MRTFB: variants seen among roughly 807,000 people sequenced by gnomAD.
MRTFB encodes the protein myocardin related transcription factor B, also known as myocardin-related transcription factor B.
A neutral mutation model predicts 104.2 loss-of-function variants in MRTFB; 29 were observed. The observed-to-expected ratio is 0.28, with a 90% CI of 0.21 to 0.38. The LOEUF is 0.38. MRTFB is among the 10% of genes least tolerant of loss of function. The pLI, the probability that MRTFB is intolerant of heterozygous loss-of-function variation, is 1.00. For synonymous variants in MRTFB, 535 were observed against 519.5 expected (o/e 1.03, Z -0.41); for missense variants, 1,270 against 1,341.6 (o/e 0.95, Z 0.83).
intron 3 of MRTFB, chr16:14,149,608 A>G (rs1398768787): frequency 3.3e-5 from 5 of 152,234 alleles, no homozygotes; most frequent in African/African-American, 7.2e-5. Context: ...TGATATTTCA[A>G]GAATGGAAAT....
At chr16:14,234,052 G>A in intron 8 of MRTFB, 94 bp from the exon 9 acceptor site, 10 of 1,474,268 alleles carry the variant, frequency 6.8e-6, no homozygotes, top group Non-Finnish European at 9.2e-6. Flanking sequence ...TTTCTAGTGG[G>A]CTTAAAAACC....
At chr16:14,052,318 G>T in the MRTFB span, among the ~76,000 whole-genome samples, 1 of 152,092 alleles carries the variant, frequency 6.6e-6, no homozygotes, top group African/African-American at 2.4e-5. Context: ...TATTTATGGG[G>T]TACATGTGGC....
chr16:14,003,241 T>C, the MRTFB span, among the ~76,000 whole-genome samples: 245 of 152,164 alleles, frequency 1.6e-3, 1 homozygote, highest in Non-Finnish European at 1.8e-3. Flanking sequence ...GATGAGCAAG[T>C]GTAGGCGTGT....
At chr16:14,028,682 A>G in the MRTFB span, among the ~76,000 whole-genome samples, 2 of 152,142 alleles carry the variant, frequency 1.3e-5, no homozygotes, top group East Asian at 1.9e-4. Context: ...TGGAGTCCCA[A>G]CCGCAACTTC....
At chr16:14,206,627 G>A (rs995620233) in intron 3 of MRTFB, among the ~76,000 whole-genome samples, 22 of 152,080 alleles carry the variant, frequency 1.4e-4, no homozygotes, top group African/African-American at 4.8e-4. Flanking sequence ...GCACGATCTC[G>A]GCTCACTGGG....
chr16:14,027,241 C>T, the MRTFB span, among the ~76,000 whole-genome samples: 1 of 151,994 alleles, frequency 6.6e-6, no homozygotes, highest in South Asian at 2.1e-4. Flanking sequence ...TTGAGTGAAC[C>T]TCAAGGATAC....
rs946711431 is a variant in MRTFB at position 14,247,392 on chromosome 16, T to C, written c.2132T>C (p.Val711Ala). 3.1e-6 allele frequency: 5 copies of C among 1,613,618 alleles called. No individual in the cohort carries two copies. The African/African-American group carries it at 6.7e-5, about 22-fold the overall frequency. Residue 711 changes from valine (V) to alanine (A), a missense_variant, in exon 12 of 17, where the codon GTT (valine) becomes GCT (alanine). Physicochemically the swap from Val to Ala is moderately conservative, Grantham distance 64. Around this residue, in one of 3 missense-constraint regions of MRTFB, gnomAD observed 1,144 missense variants for 1,131.5 expected, o/e 1.01. Coordinates refer to ENST00000571589, the MANE Select transcript of MRTFB (RefSeq NM_001308142.2). ...CAGGGACAGCCACCGCCTGCTGTTG[T>C]TGCTCAGCCCCAGGCTTTACTGACC... ...SSQGQPPPAV[V>A]AQPQALLTTQ...
At chr16:14,035,293 G>A in the MRTFB span, among the ~76,000 whole-genome samples, 2 of 152,206 alleles carry the variant, frequency 1.3e-5, no homozygotes, top group East Asian at 1.9e-4. Flanking sequence ...GGCACAGCCA[G>A]GAGGTGGCAG....
At chr16:14,221,026 G>T (rs2041675378) in intron 8 of MRTFB, among the ~76,000 whole-genome samples, 1 of 152,182 alleles carries the variant, frequency 6.6e-6, no homozygotes, top group Admixed American at 6.5e-5. Flanking sequence ...TTTTATTCAT[G>T]TAATTAAAGA....
intron 2 of MRTFB, among the ~76,000 whole-genome samples, chr16:14,117,164 G>C (rs2036583149): frequency 6.6e-6 from 1 of 152,210 alleles, no homozygotes; most frequent in Admixed American, 6.5e-5. Flanking sequence ...TCCTGCCTTA[G>C]AGTTACAGGC....
intron 3 of MRTFB, among the ~76,000 whole-genome samples, chr16:14,197,718 G>C (rs954201638): frequency 6.6e-6 from 1 of 152,132 alleles, no homozygotes; most frequent in Admixed American, 6.5e-5. Flanking sequence ...AGGGCAAATA[G>C]AGGCAAAATA....
chr16:14,212,218 C>T, intron 4 of MRTFB, 136 bp from the exon 5 acceptor site: 2 of 760,440 alleles, frequency 2.6e-6, no homozygotes, highest in Non-Finnish European at 4.2e-6. Context: ...TTTTGCAGGT[C>T]TCCTAATGGA....
chr16:14,229,571 C>T (rs2042165867), intron 8 of MRTFB, among the ~76,000 whole-genome samples: 1 of 152,186 alleles, frequency 6.6e-6, no homozygotes, highest in African/African-American at 2.4e-5. Context: ...ATGACTGGCC[C>T]TTGTCCTGTG....
At chr16:14,071,743 C>T (rs1399354876) in intron 1 of MRTFB, among the ~76,000 whole-genome samples, 1 of 152,122 alleles carries the variant, frequency 6.6e-6, no homozygotes, top group Non-Finnish European at 1.5e-5. Flanking sequence ...AGAGGTGGAG[C>T]GCCCGGGCCA....
chr16:14,204,391 C>T (rs546856627), intron 3 of MRTFB, among the ~76,000 whole-genome samples: 111 of 152,146 alleles, frequency 7.3e-4, no homozygotes, highest in African/African-American at 2.4e-3. Flanking sequence ...ATGGAAAACC[C>T]GCTAGACAAA....
intron 2 of MRTFB, among the ~76,000 whole-genome samples, chr16:14,128,240 A>C (rs904444778): frequency 6.6e-6 from 1 of 152,024 alleles, no homozygotes; most frequent in Non-Finnish European, 1.5e-5. Context: ...ATTTCATAGG[A>C]CATATGTGCC....
intron 11 of MRTFB, 115 bp downstream of exon 11, chr16:14,245,775 C>A: frequency 8.8e-7 from 1 of 1,137,204 alleles, no homozygotes; most frequent in Non-Finnish European, 1.2e-6. Context: ...ACTTTACCAA[C>A]AATATGATAA....
Position 14,247,335 on chromosome 16 carries a change from A to T in MRTFB, c.2075A>T (p.Gln692Leu). The T allele has an allele frequency of 6.2e-7, 1 of 1,614,238 alleles. No individual in the cohort carries two copies. The highest frequency in any genetic ancestry group is 8.5e-7 in the Non-Finnish European group (1 of 1,180,050). The change falls in exon 12 of 17, where the codon CAG (glutamine) becomes CTG (leucine). Residue 692 changes from glutamine (Q) to leucine (L), a missense_variant. By Grantham distance (113) the Gln-to-Leu change is moderately radical (BLOSUM62 -2). Around this residue, in one of 3 missense-constraint regions of MRTFB, gnomAD observed 1,144 missense variants for 1,131.5 expected, o/e 1.01. Coordinates refer to ENST00000571589, the MANE Select transcript of MRTFB (RefSeq NM_001308142.2). ...QEVPVGQAEQ[Q>L]SVVSQFYVSS... is the part of the protein sequence containing the mutation. ...GTCCCTGTGGGCCAGGCAGAGCAGC[A>T]GAGTGTCGTCTCGCAGTTTTATGTG...
At chr16:14,195,617 T>C in intron 3 of MRTFB, 2 of 956,384 alleles carry the variant, frequency 2.1e-6, no homozygotes, top group South Asian at 9.7e-5. Context: ...TATTCCACTG[T>C]TTCCTGTTTC....
Sources: gnomAD v4.1 joint callset for allele counts (sites outside exome capture counted in the v4.1 genomes callset) on GRCh38, gnomAD v4.1.1 for gene constraint, gnomAD v4.1.1 regional missense constraint, MANE v1.5 for transcripts, NCBI Gene and HGNC (gene_info 2026-07-23, HGNC 2026-07-21) for gene names.